The following FRYL variants were observed in gnomAD, a reference collection of about 807,000 sequenced individuals.
FRYL encodes FRY like transcription coactivator.
In FRYL, 150 loss-of-function variants were observed where a neutral mutation model predicts 351.2. The ratio of observed to expected loss-of-function variants is 0.43; its 90% CI spans 0.37 to 0.49. The LOEUF is 0.49. FRYL is among the 20% of genes least tolerant of loss of function. The probability of loss-of-function intolerance (pLI) is 0.00; values close to 1 mark genes in which losing one functional copy is unlikely to be tolerated. For synonymous variants in FRYL, 1,153 were observed against 1,257.1 expected, an observed-to-expected ratio of 0.92 and a Z score of 1.75; for missense variants, 3,036 against 3,619.3, an observed-to-expected ratio of 0.84 and a Z score of 4.13.
At position 48,506,615 on chromosome 4, in the gene FRYL, A is replaced by AAT. The variant is rs55736457; in HGVS notation, c.8395-1002_8395-1001dup. 239 of 71,464 alleles carry AAT rather than the reference A, an allele frequency of 3.3e-3. 3 individuals are homozygous for AAT. The highest frequency in any genetic ancestry group is 4.5e-3 in the East Asian group (13 of 2,868). 4.4% of individuals were successfully genotyped at this position (71,464 alleles called of 1,614,324 possible). A position where few individuals can be genotyped will look rare whatever the true frequency, so the allele number is the denominator to read the frequency against. ...AATTATACTATTAAACAATACAACTAATATATATATATATATATATATATA... is the reference window on the plus strand; with the variant it reads ...AATTATACTATTAAACAATACAACTAATATATATATATATATATATATATATA... On this transcript the variant is annotated intron_variant, in intron 59 of 63. Coordinates refer to ENST00000358350, the MANE Select transcript of FRYL (RefSeq NM_015030.2).
At chr4:48,603,784 T>C (rs1332175840) in intron 11 of FRYL, among the ~76,000 whole-genome samples, 5 of 152,206 alleles carry the variant, frequency 3.3e-5, no homozygotes, top group East Asian at 1.9e-4. Flanking sequence ...CCTCTGACCA[T>C]GTGCATGGGG....
chr4:48,512,634 C>A lies in FRYL; in HGVS notation c.7992G>T (p.Pro2664=), dbSNP rs369698565. 3.7e-6 allele frequency: 6 copies of A among 1,613,956 alleles called. No homozygotes were observed. Among genetic ancestry groups the A allele is most frequent in the Non-Finnish European group, 4.2e-6 (5 of 1,179,934 alleles). Reference sequence around the variant, plus strand: ...CTATGATGGCAGAAAGAAATGGTGACGGCAGAGGCGACGTCTGTACTTCTG... The same window carrying A: ...CTATGATGGCAGAAAGAAATGGTGAAGGCAGAGGCGACGTCTGTACTTCTG... The part of the protein sequence containing the change: ...GFPEVQTSPL[P]SPFLSAIIAA... The change falls in exon 57 of 64, where the codon CCG becomes CCT. Residue 2664 remains proline (P), a synonymous_variant. Transcript: ENST00000358350.
At chr4:48,700,313 C>T (rs902271439) in intron 2 of FRYL, among the ~76,000 whole-genome samples, 24 of 151,904 alleles carry the variant, frequency 1.6e-4, no homozygotes, top group Non-Finnish European at 3.4e-4. Context: ...AATAAGACAC[C>T]GGGAGGGCAA....
chr4:48,584,176 A>T (rs1741580076), intron 19 of FRYL, among the ~76,000 whole-genome samples: 1 of 152,216 alleles, frequency 6.6e-6, no homozygotes, highest in Admixed American at 6.5e-5. Flanking sequence ...TTTGGGTCTG[A>T]AGAGAATTAT....
At position 48,609,805 on chromosome 4, in the gene FRYL, G is replaced by T. The variant is rs777891042; in HGVS notation, c.430C>A (p.Pro144Thr). 1 of 1,589,624 alleles carries T rather than the reference G, an allele frequency of 6.3e-7. No individual in the cohort carries two copies. The highest frequency in any genetic ancestry group is 8.6e-7 in the Non-Finnish European group (1 of 1,164,992). ...AGAACTTCATGAACTAAGGGATCGG[G>T]TACAGGATGAACAGGAATCTAGAAT... Reference protein sequence around the residue: ...VLKQIPVHPVPDPLVHEVLNL... With the variant: ...VLKQIPVHPVTDPLVHEVLNL... Residue 144 changes from proline (P) to threonine (T), a missense_variant, in exon 8 of 64, where the codon CCC (proline) becomes ACC (threonine). By Grantham distance (38) the Pro-to-Thr change is conservative (BLOSUM62 -1). This residue lies in a region of FRYL where 457 missense variants were observed against 566.6 expected (regional missense o/e 0.81). Coordinates refer to ENST00000358350, the MANE Select transcript of FRYL (RefSeq NM_015030.2).
intron 27 of FRYL, among the ~76,000 whole-genome samples, chr4:48,570,299 A>G (rs566307585): frequency 1.3e-4 from 20 of 152,318 alleles, no homozygotes; most frequent in South Asian, 4.1e-4. Flanking sequence ...TACTGCGGCA[A>G]TATCTCCAGG....
intron 1 of FRYL, among the ~76,000 whole-genome samples, chr4:48,746,792 G>A (rs949735542): frequency 1.3e-5 from 2 of 152,090 alleles, no homozygotes; most frequent in African/African-American, 4.8e-5. Flanking sequence ...ACACCATGTA[G>A]AGAGACCACA....
intron 17 of FRYL, 114 bp from the exon 18 acceptor site, chr4:48,589,991 G>A: frequency 2.2e-6 from 2 of 901,694 alleles, no homozygotes; most frequent in East Asian, 2.5e-5. Context: ...TGCCACAAAA[G>A]GGGTTTCAAC....
chr4:48,688,616 A>T (rs1765390501), intron 2 of FRYL, among the ~76,000 whole-genome samples: 3 of 151,040 alleles, frequency 2.0e-5, no homozygotes, highest in Admixed American at 6.6e-5. Flanking sequence ...TAATTTTTAA[A>T]TTTTTTTAAA....
At chr4:48,520,858 G>A (rs1724759479) in intron 55 of FRYL, among the ~76,000 whole-genome samples, 190 bp downstream of exon 55, 1 of 152,174 alleles carries the variant, frequency 6.6e-6, no homozygotes, top group Non-Finnish European at 1.5e-5. Context: ...TTTTTAACCT[G>A]TAGGTCATTT....
intron 4 of FRYL, among the ~76,000 whole-genome samples, chr4:48,633,105 C>T (rs1161996175): frequency 6.6e-6 from 1 of 152,104 alleles, no homozygotes; most frequent in Admixed American, 6.6e-5. Flanking sequence ...TTCCCAACAT[C>T]CCACATCGAA....
intron 7 of FRYL, 110 bp downstream of exon 7, chr4:48,619,164 A>T: frequency 1.4e-6 from 1 of 728,094 alleles, no homozygotes; most frequent in Non-Finnish European, 2.4e-6. Context: ...ACAGGAATTT[A>T]ATTTATGTGG....
chr4:48,543,631 G>C (rs907593709), intron 44 of FRYL, among the ~76,000 whole-genome samples, 176 bp downstream of exon 44: 4 of 152,034 alleles, frequency 2.6e-5, no homozygotes, highest in African/African-American at 9.7e-5. Flanking sequence ...TTAATTAGTA[G>C]GTTATTTGAT....
At chr4:48,674,414 T>C (rs558359054) in intron 3 of FRYL, among the ~76,000 whole-genome samples, 36 of 152,244 alleles carry the variant, frequency 2.4e-4, no homozygotes, top group African/African-American at 7.9e-4. Context: ...GATAAGATTA[T>C]ATCACATCAC....
rs1191429301 is a variant in FRYL at position 48,731,543 on chromosome 4, G to C, written c.-383-20845C>G. ...ACCTGACTTCAAACTTTACTACAAG[G>C]CTACAGTAACCAAAACAGCATGGTA... On this transcript the variant is annotated intron_variant, in intron 1 of 63. Transcript: ENST00000358350. Among the ~76,000 whole-genome samples, 6 of 152,134 alleles carry C rather than the reference G, an allele frequency of 3.9e-5. No homozygotes were observed. The East Asian group carries it at 9.6e-4, about 24-fold the overall frequency.
At chr4:48,503,593 G>A (rs529337077) in intron 60 of FRYL, among the ~76,000 whole-genome samples, 1 of 152,190 alleles carries the variant, frequency 6.6e-6, no homozygotes, top group African/African-American at 2.4e-5. Context: ...CTCTTACGAG[G>A]AGAATGACTT....
intron 11 of FRYL, 70 bp from the exon 12 acceptor site, chr4:48,603,458 A>C: frequency 2.0e-6 from 2 of 1,008,592 alleles, no homozygotes; most frequent in Non-Finnish European, 3.0e-6. Flanking sequence ...AGAATACAAG[A>C]ACTTTCTGTA....
At chr4:48,580,999 A>G in intron 21 of FRYL, 48 bp from the exon 22 acceptor site, 1 of 1,255,634 alleles carries the variant, frequency 8.0e-7, no homozygotes, top group Non-Finnish European at 1.1e-6. Flanking sequence ...ATGTTTAAGC[A>G]AAGTAGCCAA....
At chr4:48,653,660 G>T in intron 3 of FRYL, 3 of 1,163,192 alleles carry the variant, frequency 2.6e-6, no homozygotes, top group Non-Finnish European at 3.4e-6. Context: ...GCAAGGAATG[G>T]CAATGATAAT....
Sources: gnomAD v4.1 joint callset for allele counts (sites outside exome capture counted in the v4.1 genomes callset) on GRCh38, gnomAD v4.1.1 for gene constraint, gnomAD v4.1.1 regional missense constraint, MANE v1.5 for transcripts, NCBI Gene and HGNC (gene_info 2026-07-23, HGNC 2026-07-21) for gene names.